Variants in CACNA2D3 observed in about 807,000 individuals in gnomAD.
CACNA2D3 encodes the protein voltage-dependent calcium channel subunit alpha-2/delta-3.
A neutral mutation model predicts 160.6 loss-of-function variants in CACNA2D3; 60 were observed. That is an observed-to-expected ratio of 0.37 (90% CI 0.30 to 0.46). The LOEUF (loss-of-function observed/expected upper bound fraction) is 0.46. Ranked by LOEUF, CACNA2D3 falls within the 20% of genes least tolerant of loss-of-function variation. The probability of loss-of-function intolerance (pLI) is 1.00; values close to 1 mark genes in which losing one functional copy is unlikely to be tolerated. For missense variants in CACNA2D3, 1,205 were observed against 1,365.0 expected (o/e 0.88, Z 1.85); for synonymous variants, 558 against 492.9 (o/e 1.13, Z -1.75).
intron 4 of CACNA2D3, among the ~76,000 whole-genome samples, chr3:54,413,410 A>ATATATATC (rs1177716405): frequency 5.3e-4 from 78 of 146,864 alleles, no homozygotes; most frequent in African/African-American, 1.8e-3. Context: ...ATATATATCT[A>ATATATATC]TATATATAGA....
intron 13 of CACNA2D3, among the ~76,000 whole-genome samples, chr3:54,808,306 T>G (rs1390476633): frequency 6.6e-6 from 1 of 152,154 alleles, no homozygotes; most frequent in Non-Finnish European, 1.5e-5. Flanking sequence ...CTAGGTCTCA[T>G]GGATGTGGGG....
chr3:54,805,556 A>G (rs932210384), intron 13 of CACNA2D3, among the ~76,000 whole-genome samples: 9 of 152,216 alleles, frequency 5.9e-5, no homozygotes, highest in African/African-American at 1.7e-4. Context: ...TGTGGCAATA[A>G]TCAATAGCTT....
chr3:54,374,775 G>T (rs1698981417), intron 3 of CACNA2D3, among the ~76,000 whole-genome samples: 1 of 152,020 alleles, frequency 6.6e-6, no homozygotes, highest in South Asian at 2.1e-4. Context: ...TATCCTGTTG[G>T]CCTCCAAGTC....
intron 10 of CACNA2D3, among the ~76,000 whole-genome samples, chr3:54,629,411 C>T (rs1699186491): frequency 6.6e-6 from 1 of 152,168 alleles, no homozygotes; most frequent in African/African-American, 2.4e-5. Context: ...CTCTCTTTTA[C>T]CAATAATACC....
At chr3:54,253,572 C>T (rs1331605328) in intron 2 of CACNA2D3, among the ~76,000 whole-genome samples, 1 of 152,116 alleles carries the variant, frequency 6.6e-6, no homozygotes, top group African/African-American at 2.4e-5. Flanking sequence ...CAGGGCCCAC[C>T]TCCAACACTG....
At chr3:54,213,544 G>A (rs571130462) in intron 2 of CACNA2D3, among the ~76,000 whole-genome samples, 3 of 152,224 alleles carry the variant, frequency 2.0e-5, no homozygotes, top group Admixed American at 6.5e-5. Context: ...TCTTCCTGTG[G>A]TCCTCACCTG....
intron 5 of CACNA2D3, among the ~76,000 whole-genome samples, chr3:54,556,277 C>G (rs556293977): frequency 3.1e-4 from 47 of 152,174 alleles, no homozygotes; most frequent in African/African-American, 1.0e-3. Context: ...AACCCAATGA[C>G]CAGTCCTTCT....
chr3:54,670,741 T>A (rs1700145229), intron 11 of CACNA2D3, among the ~76,000 whole-genome samples: 1 of 152,210 alleles, frequency 6.6e-6, no homozygotes, highest in African/African-American at 2.4e-5. Context: ...CAGACCTGTT[T>A]GTTGTCTTGC....
At chr3:54,525,230 T>G (rs1167704653) in intron 5 of CACNA2D3, among the ~76,000 whole-genome samples, 1 of 152,198 alleles carries the variant, frequency 6.6e-6, no homozygotes, top group Non-Finnish European at 1.5e-5. Context: ...TAGCCGCATA[T>G]ATCTCTGCAC....
intron 6 of CACNA2D3, among the ~76,000 whole-genome samples, chr3:54,566,784 A>C (rs1335492939): frequency 1.3e-5 from 2 of 152,182 alleles, no homozygotes; most frequent in Non-Finnish European, 2.9e-5. Context: ...TTATCCTTGC[A>C]CTATGATTTG....
intron 9 of CACNA2D3, among the ~76,000 whole-genome samples, chr3:54,583,328 A>C (rs6445701): frequency 2.6e-5 from 4 of 151,898 alleles, no homozygotes; most frequent in African/African-American, 9.7e-5. Flanking sequence ...CATTAGAGGA[A>C]ATGGGCTAAG....
chr3:54,141,190 C>G (rs1037132181), intron 2 of CACNA2D3, among the ~76,000 whole-genome samples: 1 of 151,868 alleles, frequency 6.6e-6, no homozygotes, highest in African/African-American at 2.4e-5. Context: ...CAATGGCATA[C>G]TGGTAACCCT....
intron 14 of CACNA2D3, among the ~76,000 whole-genome samples, chr3:54,817,986 C>T (rs1010160890): frequency 3.3e-5 from 5 of 152,302 alleles, no homozygotes; most frequent in Admixed American, 2.6e-4. Context: ...GTTTGGAAGG[C>T]TCAATGTCTT....
intron 10 of CACNA2D3, among the ~76,000 whole-genome samples, chr3:54,631,557 C>CTTAAAA (rs1699238845): frequency 1.3e-5 from 2 of 152,168 alleles, no homozygotes; most frequent in African/African-American, 2.4e-5. Flanking sequence ...CACACACACA[C>CTTAAAA]GTGCTTAAAA....
At chr3:54,734,121 C>G (rs1247178765) in intron 11 of CACNA2D3, among the ~76,000 whole-genome samples, 2 of 151,916 alleles carry the variant, frequency 1.3e-5, no homozygotes, top group Non-Finnish European at 2.9e-5. Context: ...CGAAACTGCT[C>G]CCTGGAAGGA....
At chr3:54,242,304 A>G (rs1701988908) in intron 2 of CACNA2D3, among the ~76,000 whole-genome samples, 1 of 152,040 alleles carries the variant, frequency 6.6e-6, no homozygotes, top group Non-Finnish European at 1.5e-5. Flanking sequence ...AAAGCCAGGC[A>G]TGGTGGTGGA....
At chr3:54,309,984 G>A (rs1291212953) in intron 2 of CACNA2D3, among the ~76,000 whole-genome samples, 5 of 151,822 alleles carry the variant, frequency 3.3e-5, no homozygotes, top group Non-Finnish European at 7.4e-5. Flanking sequence ...TTCTAAAACA[G>A]TCTTTTGTTC....
chr3:54,528,690 C>T (rs1447171942), intron 5 of CACNA2D3, among the ~76,000 whole-genome samples: 2 of 152,142 alleles, frequency 1.3e-5, no homozygotes, highest in African/African-American at 4.8e-5. Flanking sequence ...AACCTTTCCT[C>T]TAATTATTCC....
intron 35 of CACNA2D3, among the ~76,000 whole-genome samples, chr3:55,058,927 C>T (rs1315578846): frequency 6.6e-6 from 1 of 152,096 alleles, no homozygotes; most frequent in Non-Finnish European, 1.5e-5. Flanking sequence ...CTTCCCCTCC[C>T]CGCCGCCGCT....
Sources: allele counts gnomAD v4.1 joint callset (sites outside exome capture counted in the v4.1 genomes callset), GRCh38; gene constraint gnomAD v4.1.1; transcripts MANE v1.5; gene names NCBI Gene and HGNC (gene_info 2026-07-23, HGNC 2026-07-21).